ANKRD12: variants seen among roughly 807,000 people sequenced by gnomAD.
ANKRD12 encodes ankyrin repeat domain 12.
Under a neutral mutation model 183.4 loss-of-function variants are expected in ANKRD12, and 85 were observed. The ratio of observed to expected loss-of-function variants is 0.46; its 90% CI spans 0.39 to 0.56. The LOEUF (loss-of-function observed/expected upper bound fraction) is 0.56, where lower values mean the gene tolerates loss of function less well. Among genes scored for constraint, ANKRD12 ranks in the 20% least tolerant of loss-of-function variants. The pLI, the probability that ANKRD12 is intolerant of heterozygous loss-of-function variation, is 0.00. For missense variants in ANKRD12, 2,405 were observed against 2,357.1 expected (o/e 1.02, Z -0.42); for synonymous variants, 914 against 800.2 (o/e 1.14, Z -2.40).
At chr18:9,225,025 C>T (rs1196708012) in intron 8 of ANKRD12, among the ~76,000 whole-genome samples, 1 of 152,000 alleles carries the variant, frequency 6.6e-6, no homozygotes, top group East Asian at 1.9e-4. Context: ...TTGAGACTAG[C>T]CTGGGCATTA....
chr18:9,161,644 G>A (rs1032898601), intron 1 of ANKRD12, among the ~76,000 whole-genome samples: 1 of 151,904 alleles, frequency 6.6e-6, no homozygotes, highest in Non-Finnish European at 1.5e-5. Context: ...CCAAAGTGCT[G>A]GGATTACAGG....
chr18:9,214,413 C>T (rs538481585), intron 6 of ANKRD12, among the ~76,000 whole-genome samples: 2 of 152,102 alleles, frequency 1.3e-5, no homozygotes, highest in Non-Finnish European at 1.5e-5. Context: ...TAGCTACCTC[C>T]TGTTACCATT....
Position 9,255,606 on chromosome 18 carries a change from A to G in ANKRD12, c.2339A>G (p.Asp780Gly), listed in dbSNP as rs745811900. The G allele has an allele frequency of 6.4e-6, 10 of 1,570,238 alleles. No homozygotes were observed. The highest frequency in any genetic ancestry group is 1.2e-5 in the South Asian group (1 of 82,174). Residue 780 changes from aspartate to glycine, a missense_variant, in exon 9 of 13, where the codon GAT becomes GGT. By Grantham distance (94) the Asp-to-Gly change is moderately conservative. Transcript: ENST00000262126. ...LKEERENIPT[D>G]KDSEFTSLGM... ...GAAGAGAGAGAAAACATACCCACAG[A>G]TAAAGACTCAGAATTTACTTCTTTG...
chr18:9,182,641 T>C (rs2033780827), intron 2 of ANKRD12, 122 bp downstream of exon 2: 1 of 497,436 alleles, frequency 2.0e-6, no homozygotes, highest in Non-Finnish European at 3.4e-6. Flanking sequence ...ATCCAAACCA[T>C]TTATGCCCTT....
chr18:9,239,587 T>C, intron 8 of ANKRD12: 1 of 1,160,002 alleles, frequency 8.6e-7, no homozygotes, highest in Non-Finnish European at 1.1e-6. Flanking sequence ...TTGGAGTTGC[T>C]GAAAAAGACT....
intron 10 of ANKRD12, among the ~76,000 whole-genome samples, chr18:9,269,809 A>G (rs906388388): frequency 1.3e-5 from 2 of 152,214 alleles, no homozygotes; most frequent in African/African-American, 4.8e-5. Flanking sequence ...ACAGCAAAAG[A>G]AACTACCATC....
chr18:9,169,292 T>G (rs1020068616), intron 1 of ANKRD12, among the ~76,000 whole-genome samples: 10 of 152,214 alleles, frequency 6.6e-5, no homozygotes, highest in Non-Finnish European at 1.0e-4. Context: ...GTCTCGTTGA[T>G]CTGTCTAATG....
intron 1 of ANKRD12, among the ~76,000 whole-genome samples, chr18:9,148,863 A>T (rs9966631): frequency 0.56 from 85,118 of 152,026 alleles, 24,903 homozygotes; most frequent in South Asian, 0.75. Flanking sequence ...AGAACAGACT[A>T]CACAATGACA....
intron 1 of ANKRD12, among the ~76,000 whole-genome samples, chr18:9,168,049 T>C (rs954807420): frequency 9.2e-5 from 14 of 152,348 alleles, no homozygotes; most frequent in South Asian, 2.1e-4. Flanking sequence ...GAACCAGCCT[T>C]GCATCCCAGG....
chr18:9,154,802 G>A lies in ANKRD12; in HGVS notation c.-52+17837G>A, dbSNP rs192781422. Among the ~76,000 whole-genome samples the A allele has an allele frequency of 9.2e-5, 14 of 152,282 alleles. No homozygotes were observed. The East Asian group carries it at 2.1e-3, about 23-fold the overall frequency. On this transcript the variant is annotated intron_variant, in intron 1 of 12. Transcript: ENST00000262126. ...TGAATTTCTGGCTTAAGTGATGGAT[G>A]GATGTTGGTGGCATTTATTGGAATA...
chr18:9,158,542 A>T (rs1356754285), intron 1 of ANKRD12, among the ~76,000 whole-genome samples: 1 of 152,212 alleles, frequency 6.6e-6, no homozygotes, highest in Non-Finnish European at 1.5e-5. Flanking sequence ...TATGGCTTTG[A>T]GGAAGAGGAT....
At chr18:9,154,469 T>C (rs2030085162) in intron 1 of ANKRD12, among the ~76,000 whole-genome samples, 1 of 152,052 alleles carries the variant, frequency 6.6e-6, no homozygotes, top group Non-Finnish European at 1.5e-5. Flanking sequence ...ACACCTGTAC[T>C]CCTAGCTGCT....
At position 9,283,657 on chromosome 18, in the gene ANKRD12, T is replaced by A. The variant is rs2040170303; in HGVS notation, c.*2531T>A. 1 of 152,610 alleles carries A rather than the reference T, an allele frequency of 6.6e-6. No homozygotes were observed. The highest frequency in any genetic ancestry group is 2.1e-4 in the South Asian group (1 of 4,830). 9.5% of individuals were successfully genotyped at this position (152,610 alleles called of 1,614,324 possible). A position where few individuals can be genotyped will look rare whatever the true frequency, so the allele number is the denominator to read the frequency against. ...AAATATCATGAACAAGATACTAAAT[T>A]GTACCTAAGGATTTGTATTTCTTTA... On this transcript the variant is annotated 3_prime_UTR_variant, in exon 13 of 13. Transcript: ENST00000262126.
intron 9 of ANKRD12, 124 bp downstream of exon 9, chr18:9,259,055 A>G (rs1300779250): frequency 1.1e-5 from 13 of 1,136,316 alleles, no homozygotes; most frequent in Non-Finnish European, 1.6e-5. Flanking sequence ...TCTGTCAGTG[A>G]GTCGAGATAT....
At chr18:9,270,859 T>C (rs143616634) in intron 10 of ANKRD12, among the ~76,000 whole-genome samples, 1 of 152,348 alleles carries the variant, frequency 6.6e-6, no homozygotes, top group East Asian at 1.9e-4. Context: ...ATAAACAATT[T>C]AGAATTGTAT....
At chr18:9,279,240 A>T (rs774199251) in intron 11 of ANKRD12, among the ~76,000 whole-genome samples, 10 of 152,204 alleles carry the variant, frequency 6.6e-5, no homozygotes, top group South Asian at 2.1e-4. Flanking sequence ...AATTGGTTAT[A>T]CAGTAATAAT....
chr18:9,221,738 AT>A (rs1287007526), intron 7 of ANKRD12, 113 bp from the exon 8 acceptor site: 1 of 1,029,494 alleles, frequency 9.7e-7, no homozygotes, highest in Admixed American at 2.7e-5. Context: ...TGAGGAATGG[AT>A]GCAGAGTAAA....
chr18:9,238,690 C>G (rs2037484715), intron 8 of ANKRD12, among the ~76,000 whole-genome samples: 1 of 152,224 alleles, frequency 6.6e-6, no homozygotes, highest in Admixed American at 6.5e-5. Flanking sequence ...ATAATTGACT[C>G]CTGTCAATTT....
chr18:9,263,967 A>G (rs1047430122), intron 10 of ANKRD12, 79 bp downstream of exon 10: 13 of 1,117,164 alleles, frequency 1.2e-5, no homozygotes, highest in Non-Finnish European at 1.4e-5. Context: ...ATAATTTTTT[A>G]TTAGTGGATT....
Sources: allele counts gnomAD v4.1 joint callset (sites outside exome capture counted in the v4.1 genomes callset), GRCh38; gene constraint gnomAD v4.1.1; transcripts MANE v1.5; gene names NCBI Gene and HGNC (gene_info 2026-07-23, HGNC 2026-07-21).